ZNF366: variants seen among roughly 807,000 people sequenced by gnomAD.
ZNF366 encodes dendritic cell-specific transcript protein.
ZNF366 carries 20 observed loss-of-function variants against 47.2 expected under a neutral mutation model. The ratio of observed to expected loss-of-function variants is 0.42; its 90% CI spans 0.30 to 0.62. The LOEUF is 0.62. ZNF366 is among the 20% of genes least tolerant of loss of function. The probability of loss-of-function intolerance (pLI) is 0.16; values close to 1 mark genes in which losing one functional copy is unlikely to be tolerated. For missense variants in ZNF366, 987 were observed against 976.3 expected (o/e 1.01, Z -0.15); for synonymous variants, 421 against 395.1 (o/e 1.07, Z -0.78).
chr5:72,486,019 C>G (rs1345767829), intron 1 of ZNF366, among the ~76,000 whole-genome samples: 1 of 152,200 alleles, frequency 6.6e-6, no homozygotes, highest in Non-Finnish European at 1.5e-5. Context: ...CTATCAAGCA[C>G]TCCGTATTCT....
At chr5:72,458,164 C>T (rs1743229043) in intron 2 of ZNF366, among the ~76,000 whole-genome samples, 1 of 151,654 alleles carries the variant, frequency 6.6e-6, no homozygotes, top group Admixed American at 6.6e-5. Flanking sequence ...CTACAGGTAC[C>T]CGCCACCATG....
At chr5:72,489,311 C>T (rs1056047453) in intron 1 of ZNF366, among the ~76,000 whole-genome samples, 6 of 152,200 alleles carry the variant, frequency 3.9e-5, no homozygotes, top group Admixed American at 3.9e-4. Context: ...AACAGTTACT[C>T]TGTCAGTCTA....
chr5:72,462,553 T>TCTTTCTTTCTTTC (rs1476213047), intron 1 of ZNF366, among the ~76,000 whole-genome samples: 7 of 146,442 alleles, frequency 4.8e-5, no homozygotes, highest in Admixed American at 1.4e-4. Flanking sequence ...CTTTCTTTTT[T>TCTTTCTTTCTTTC]TTTTTTTTTG....
chr5:72,452,162 G>A (rs1743086002), intron 3 of ZNF366, among the ~76,000 whole-genome samples: 1 of 152,232 alleles, frequency 6.6e-6, no homozygotes, highest in African/African-American at 2.4e-5. Context: ...GTGGCCTGCA[G>A]CTGAGGAGAA....
At chr5:72,487,377 C>CT (rs1394336314) in intron 1 of ZNF366, among the ~76,000 whole-genome samples, 24 of 152,282 alleles carry the variant, frequency 1.6e-4, no homozygotes, top group African/African-American at 5.8e-4. Context: ...AAACAAAGTA[C>CT]TTTGTCTTTT....
intron 3 of ZNF366, among the ~76,000 whole-genome samples, chr5:72,452,537 C>T (rs904287081): frequency 6.6e-6 from 1 of 152,216 alleles, no homozygotes; most frequent in Non-Finnish European, 1.5e-5. Flanking sequence ...CAAAGCCCCC[C>T]ATCTGGTTTC....
chr5:72,481,910 G>T (rs934791742), intron 1 of ZNF366, among the ~76,000 whole-genome samples: 4 of 152,242 alleles, frequency 2.6e-5, no homozygotes, highest in East Asian at 1.9e-4. Flanking sequence ...CATGGGAAAG[G>T]GTTTCTGATA....
At chr5:72,461,741 A>T (rs1743318206) in intron 1 of ZNF366, among the ~76,000 whole-genome samples, 1 of 152,186 alleles carries the variant, frequency 6.6e-6, no homozygotes, top group Admixed American at 6.5e-5. Context: ...GGCTGAATCA[A>T]ATTGGGCTCC....
intron 1 of ZNF366, among the ~76,000 whole-genome samples, chr5:72,503,802 A>T (rs2112360340): frequency 6.6e-6 from 1 of 152,328 alleles, no homozygotes; most frequent in South Asian, 2.1e-4. Flanking sequence ...AAGTGTCCAA[A>T]CATGTCTCTG....
chr5:72,460,847 G>T lies in ZNF366; in HGVS notation c.650C>A (p.Ala217Asp). Residue 217 changes from alanine (A) to aspartate (D), a missense_variant, in exon 2 of 5, where the codon GCC (alanine) becomes GAC (aspartate). Physicochemically the swap from Ala to Asp is moderately radical, Grantham distance 126. This residue lies in a region of ZNF366 where 591 missense variants were observed against 560.9 expected (regional missense o/e 1.05). Transcript: ENST00000318442. ...QPPEPLLPRK[A>D]EPQESEETKQ... ...GGTCTCCTCGCTCTCCTGGGGCTCG[G>T]CTTTCCGGGGCAGCAGAGGTTCCGG... 1 of 1,614,062 alleles carries T rather than the reference G, an allele frequency of 6.2e-7. No homozygotes were observed. The highest frequency in any genetic ancestry group is 8.5e-7 in the Non-Finnish European group (1 of 1,179,986).
At chr5:72,505,339 C>G (rs1744299094) in intron 1 of ZNF366, among the ~76,000 whole-genome samples, 2 of 152,202 alleles carry the variant, frequency 1.3e-5, no homozygotes, top group South Asian at 4.1e-4. Flanking sequence ...TCATTTCCCC[C>G]AGTATCCAAG....
chr5:72,446,141 A>T (rs1276460286), intron 4 of ZNF366, among the ~76,000 whole-genome samples: 1 of 152,192 alleles, frequency 6.6e-6, no homozygotes, highest in Non-Finnish European at 1.5e-5. Context: ...TTGATTCAGA[A>T]ATTGGGCTGG....
In ZNF366 at chr5:72,461,142, G is replaced by C. The variant is rs778170968; in HGVS notation, c.355C>G (p.Pro119Ala). 1 of 1,614,198 alleles carries C rather than the reference G, an allele frequency of 6.2e-7. No homozygotes were observed. Among genetic ancestry groups the C allele is most frequent in the South Asian group, 1.1e-5 (1 of 91,090 alleles). The change falls in exon 2 of 5, where the codon CCC (proline) becomes GCC (alanine). Residue 119 changes from proline (P) to alanine (A), a missense_variant. Physicochemically the swap from Pro to Ala is conservative, Grantham distance 27 (BLOSUM62 -1). Coordinates refer to ENST00000318442, the MANE Select transcript of ZNF366 (RefSeq NM_152625.3). ...LPNLPLLFPQ[P>A]PRPKYDSQMI... ...TGAGAGTCATACTTGGGGCGCGGGG[G>C]CTGCGGGAACAGCAAAGGGAGGTTG...
In ZNF366 at chr5:72,460,951, C is replaced by G. The variant is rs755769492; in HGVS notation, c.546G>C (p.Pro182=). 5 of 1,612,170 alleles carry G rather than the reference C, an allele frequency of 3.1e-6. No individual in the cohort carries two copies. In the South Asian group the frequency reaches 4.4e-5, roughly 14 times the overall value. Residue 182 remains proline, a synonymous_variant, in exon 2 of 5, where the codon CCG becomes CCC. Transcript: ENST00000318442. ...GCACGAAGAAGGGGAACATGAGGCC[C>G]GGGTGGACTTTGGGGTAGTAGGGGT... ...TPYPYYPKVH[P]GLMFPFFVPS...
intron 3 of ZNF366, among the ~76,000 whole-genome samples, chr5:72,448,451 G>A (rs375913605): frequency 1.3e-5 from 2 of 152,200 alleles, no homozygotes; most frequent in East Asian, 1.9e-4. Context: ...GGGTGCTTTT[G>A]TTGTCCCCAA....
chr5:72,458,619 G>C (rs931278802), intron 2 of ZNF366, among the ~76,000 whole-genome samples: 2 of 152,214 alleles, frequency 1.3e-5, no homozygotes, highest in African/African-American at 4.8e-5. Context: ...GTTCACTGTA[G>C]AGTGGCCAAG....
chr5:72,458,310 C>T (rs1326354573), intron 2 of ZNF366, among the ~76,000 whole-genome samples: 1 of 152,196 alleles, frequency 6.6e-6, no homozygotes, highest in African/African-American at 2.4e-5. Context: ...GCCACCGCGC[C>T]CGGCCAGCAT....
intron 1 of ZNF366, among the ~76,000 whole-genome samples, chr5:72,484,281 G>C (rs1213296332): frequency 6.6e-6 from 1 of 151,588 alleles, no homozygotes; most frequent in Non-Finnish European, 1.5e-5. Flanking sequence ...TCAGGAGATC[G>C]AGACCATCCC....
At position 72,460,070 on chromosome 5, in the gene ZNF366, C is replaced by G. The variant is rs1743268136; in HGVS notation, c.1332+95G>C. 7 of 1,489,442 alleles carry G rather than the reference C, an allele frequency of 4.7e-6. No homozygotes were observed. The Admixed American group carries it at 1.5e-4, about 33-fold the overall frequency. 92.3% of individuals were successfully genotyped at this position (1,489,442 alleles called of 1,614,324 possible). ...TTGCCCACCTCCTCGGGGTAAGGTG[C>G]AGAGCGGCACAGGCGTCCTGCTCCC... is the stretch of plus-strand genomic sequence containing the variant. On this transcript the variant is annotated intron_variant, in intron 2 of 4. Coordinates refer to ENST00000318442, the MANE Select transcript of ZNF366 (RefSeq NM_152625.3).
Sources: allele counts gnomAD v4.1 joint callset (sites outside exome capture counted in the v4.1 genomes callset), GRCh38; gene constraint gnomAD v4.1.1; regional missense constraint gnomAD v4.1.1; transcripts MANE v1.5; gene names NCBI Gene and HGNC (gene_info 2026-07-23, HGNC 2026-07-21).